LHFPL6: variants seen among roughly 807,000 people sequenced by gnomAD.
LHFPL6 encodes the protein LHFPL tetraspan subfamily member 6.
LHFPL6 carries 9 observed loss-of-function variants against 20.6 expected under a neutral mutation model. The observed-to-expected ratio is 0.44, with a 90% confidence interval of 0.26 to 0.76. The LOEUF is 0.76. Among genes scored for constraint, LHFPL6 ranks in the 30% least tolerant of loss-of-function variants. LHFPL6 has a pLI of 0.20. For missense variants in LHFPL6, 218 were observed against 253.5 expected, an observed-to-expected ratio of 0.86 and a Z score of 0.95; for synonymous variants, 105 against 98.7, an observed-to-expected ratio of 1.06 and a Z score of -0.38.
chr13:39,601,174 G>A lies in LHFPL6; in HGVS notation c.43C>T (p.Leu15=), dbSNP rs34616166. Residue 15 remains leucine, a synonymous_variant, in exon 2 of 4, where the codon CTG becomes TTG. Transcript: ENST00000379589. ...GAGGTGGCAGCACAAAGAAAAGACA[G>A]CAAAGCCCAGATTACTCCAGTACAA... ...LTCTGVIWAL[L]SFLCAATSCV... The A allele has an allele frequency of 0.01, 16,932 of 1,613,838 alleles. 1,490 individuals are homozygous for A. The African/African-American group carries it at 0.19, about 18-fold the overall frequency.
intron 2 of LHFPL6, among the ~76,000 whole-genome samples, chr13:39,436,810 G>C (rs1428307945): frequency 6.6e-6 from 1 of 152,198 alleles, no homozygotes; most frequent in Non-Finnish European, 1.5e-5. Context: ...ACATCCCAGT[G>C]TGTGCCTAAC....
At chr13:39,464,072 G>A (rs1404543443) in intron 2 of LHFPL6, among the ~76,000 whole-genome samples, 1 of 152,140 alleles carries the variant, frequency 6.6e-6, no homozygotes, top group Non-Finnish European at 1.5e-5. Flanking sequence ...AGAGGGCATT[G>A]TAAACTAAGG....
At chr13:39,458,746 G>C (rs1294063910) in intron 2 of LHFPL6, among the ~76,000 whole-genome samples, 1 of 151,220 alleles carries the variant, frequency 6.6e-6, no homozygotes, top group Non-Finnish European at 1.5e-5. Flanking sequence ...GGTACAATGG[G>C]TGGACAGAGA....
rs937836933 is a variant in LHFPL6, at chr13:39,601,386, G to C, written c.-170C>G. 10 of 552,808 alleles carry C rather than the reference G, an allele frequency of 1.8e-5. No individual in the cohort carries two copies. The Admixed American group carries it at 3.3e-4, about 18-fold the overall frequency. The allele number at this position is 552,808 out of a possible 1,614,324, so 34.2% of individuals were successfully genotyped here. ...TTCCATCCTCTGCACTAAAGATGATGGTCCCTGGTAAAACAACAGGAAACA... is the reference window on the plus strand; with the variant it reads ...TTCCATCCTCTGCACTAAAGATGATCGTCCCTGGTAAAACAACAGGAAACA... On this transcript the variant is annotated 5_prime_UTR_variant, in exon 2 of 4. Transcript: ENST00000379589.
At chr13:39,402,375 C>T (rs1408608465) in intron 2 of LHFPL6, among the ~76,000 whole-genome samples, 2 of 152,062 alleles carry the variant, frequency 1.3e-5, no homozygotes, top group South Asian at 2.1e-4. Flanking sequence ...TAGGCACGCA[C>T]CACTATGCCT....
chr13:39,583,470 C>T (rs1026957241), intron 2 of LHFPL6, among the ~76,000 whole-genome samples: 1 of 152,126 alleles, frequency 6.6e-6, no homozygotes, highest in Non-Finnish European at 1.5e-5. Flanking sequence ...CTACCACATA[C>T]GGCTGGGTGC....
chr13:39,574,903 C>T (rs1385484264), intron 2 of LHFPL6, among the ~76,000 whole-genome samples: 2 of 152,072 alleles, frequency 1.3e-5, no homozygotes, highest in African/African-American at 4.8e-5. Flanking sequence ...GAAACCCTGT[C>T]TCTACTAAAA....
At chr13:39,352,172 T>C (rs1461077704) in intron 3 of LHFPL6, among the ~76,000 whole-genome samples, 1 of 152,218 alleles carries the variant, frequency 6.6e-6, no homozygotes, top group African/African-American at 2.4e-5. Context: ...ATGTCTAAAA[T>C]AAGCTTGCTT....
chr13:39,586,629 T>C (rs1184533010), intron 2 of LHFPL6, among the ~76,000 whole-genome samples: 2 of 152,240 alleles, frequency 1.3e-5, no homozygotes, highest in Non-Finnish European at 2.9e-5. Flanking sequence ...ATATTCATTG[T>C]GACAGCAGGT....
At chr13:39,359,481 T>TA (rs71077231) in intron 3 of LHFPL6, among the ~76,000 whole-genome samples, 68 of 151,952 alleles carry the variant, frequency 4.5e-4, no homozygotes, top group Non-Finnish European at 7.1e-4. Context: ...TACATGGCCA[T>TA]AAAAAAAATC....
intron 2 of LHFPL6, among the ~76,000 whole-genome samples, chr13:39,393,163 C>A (rs183298530): frequency 9.2e-5 from 14 of 152,254 alleles, no homozygotes; most frequent in Non-Finnish European, 1.5e-5. Flanking sequence ...ACCAATCCCC[C>A]AAGGACAATA....
intron 2 of LHFPL6, among the ~76,000 whole-genome samples, chr13:39,408,232 T>C (rs1257896134): frequency 6.6e-6 from 1 of 152,236 alleles, no homozygotes; most frequent in Admixed American, 6.5e-5. Flanking sequence ...CAGACATAAA[T>C]TGAAATTGCT....
chr13:39,597,568 A>G (rs1370087557), intron 2 of LHFPL6, among the ~76,000 whole-genome samples: 1 of 152,182 alleles, frequency 6.6e-6, no homozygotes, highest in Admixed American at 6.5e-5. Context: ...GTATTTCCCC[A>G]CAGCCTTTCT....
At chr13:39,595,084 T>C (rs1253780035) in intron 2 of LHFPL6, among the ~76,000 whole-genome samples, 2 of 152,154 alleles carry the variant, frequency 1.3e-5, no homozygotes, top group Admixed American at 1.3e-4. Flanking sequence ...AACCTGCACG[T>C]TGTGCACATG....
intron 2 of LHFPL6, among the ~76,000 whole-genome samples, chr13:39,583,424 C>G (rs964300675): frequency 6.6e-6 from 1 of 152,114 alleles, no homozygotes; most frequent in Non-Finnish European, 1.5e-5. Flanking sequence ...ATTCACTGGC[C>G]TCAGCCTTCC....
At position 39,571,998 on chromosome 13, in the gene LHFPL6, G is replaced by A. The variant is rs547169433; in HGVS notation, c.385+28834C>T. The stretch of plus-strand genomic sequence containing the variant: ...GCTCCCCTGCCGTGAGTTGGTGAAG[G>A]GGCTGAGAAAAATCCTGCATCAATA... On this transcript the variant is annotated intron_variant, in intron 2 of 3. Coordinates refer to ENST00000379589, the MANE Select transcript of LHFPL6 (RefSeq NM_005780.3). Among the ~76,000 whole-genome samples the A allele has an allele frequency of 3.3e-5, 5 of 152,274 alleles. No homozygotes were observed. In the East Asian group the frequency reaches 9.7e-4, roughly 29 times the overall value.
In LHFPL6 at chr13:39,491,684, CCTT is replaced by C. The variant is rs530565210; in HGVS notation, c.385+109145_385+109147del. 5.9e-5 allele frequency among the ~76,000 whole-genome samples: 9 copies of C among 152,310 alleles called. No homozygotes were observed. The South Asian group carries it at 1.9e-3, about 32-fold the overall frequency. The stretch of plus-strand genomic sequence containing the variant: ...GACAAGGGGAAAGGAGATAATCTCT[CCTT>C]CTAAAGTAGGGCTGTCCAATACAAA... On this transcript the variant is annotated intron_variant, in intron 2 of 3. Transcript: ENST00000379589.
intron 2 of LHFPL6, among the ~76,000 whole-genome samples, chr13:39,434,444 T>G (rs924708857): frequency 3.3e-5 from 5 of 152,240 alleles, no homozygotes; most frequent in Non-Finnish European, 7.3e-5. Flanking sequence ...GTGATTCTAA[T>G]TTCATTTTTT....
chr13:39,424,661 A>C (rs1289253012), intron 2 of LHFPL6, among the ~76,000 whole-genome samples: 2 of 152,154 alleles, frequency 1.3e-5, no homozygotes, highest in African/African-American at 4.8e-5. Context: ...TACAAAGTGA[A>C]AAAAATGGTA....
Sources: gnomAD v4.1 joint callset for allele counts (sites outside exome capture counted in the v4.1 genomes callset) on GRCh38, gnomAD v4.1.1 for gene constraint, MANE v1.5 for transcripts, NCBI Gene and HGNC (gene_info 2026-07-23, HGNC 2026-07-21) for gene names.